The following COX10 variants were observed in gnomAD, a reference collection of about 807,000 sequenced individuals.
COX10 encodes the protein protoheme IX farnesyltransferase, mitochondrial.
Under a neutral mutation model 37.3 loss-of-function variants are expected in COX10, and 27 were observed. That is an observed-to-expected ratio of 0.72 (90% CI 0.53 to 1.00). COX10 has a LOEUF of 1.00. Ranked by LOEUF, COX10 falls within the 50% of genes least tolerant of loss-of-function variation. The pLI, the probability that COX10 is intolerant of heterozygous loss-of-function variation, is 0.00. For synonymous variants in COX10, 222 were observed against 229.1 expected (o/e 0.97, Z 0.28); for missense variants, 475 against 563.2 (o/e 0.84, Z 1.59).
At chr17:14,118,077 G>A (rs1217548148) in intron 4 of COX10, among the ~76,000 whole-genome samples, 1 of 152,112 alleles carries the variant, frequency 6.6e-6, no homozygotes, top group Non-Finnish European at 1.5e-5. Context: ...GTCTGCTGGT[G>A]TCTGTCGGTT....
In COX10 at chr17:14,076,881, T is replaced by G. The variant is rs1019508425; in HGVS notation, c.324T>G (p.Ser108=). The G allele has an allele frequency of 3.7e-6, 6 of 1,614,032 alleles. No homozygotes were observed. In the African/African-American group the frequency reaches 8.0e-5, roughly 22 times the overall value. ...GACCTCTCTCACCGCCCAGCCTATC[T>G]TTGTCCAGAAAGCCAAATGAAAAGG... is the stretch of plus-strand genomic sequence containing the variant. ...EMRPLSPPSL[S]LSRKPNEKEL... The change falls in exon 3 of 7, where the codon TCT becomes TCG. Residue 108 remains serine, a synonymous_variant. Coordinates refer to ENST00000261643, the MANE Select transcript of COX10 (RefSeq NM_001303.4).
At chr17:14,180,011 G>C (rs535767544) in intron 5 of COX10, among the ~76,000 whole-genome samples, 1 of 152,278 alleles carries the variant, frequency 6.6e-6, no homozygotes, top group African/African-American at 2.4e-5. Context: ...TAAAGAACAG[G>C]GTTTAGCTTA....
At chr17:14,144,965 C>T (rs74727273) in intron 4 of COX10, among the ~76,000 whole-genome samples, 1,545 of 152,058 alleles carry the variant, frequency 0.01, 23 homozygotes, top group African/African-American at 0.035. Flanking sequence ...ACAGGCTAAA[C>T]GTGCTATACA....
intron 4 of COX10, among the ~76,000 whole-genome samples, chr17:14,136,265 A>C (rs1273162117): frequency 6.6e-6 from 1 of 152,056 alleles, no homozygotes; most frequent in Non-Finnish European, 1.5e-5. Context: ...TGCAAACAAG[A>C]AAATTACTTC....
Position 14,097,481 on chromosome 17 carries a change from C to T in COX10, c.500-4637C>T, listed in dbSNP as rs956461731. 4.6e-5 allele frequency among the ~76,000 whole-genome samples: 7 copies of T among 151,884 alleles called. No individual in the cohort carries two copies. In the South Asian group the frequency reaches 6.2e-4, roughly 13 times the overall value. On this transcript the variant is annotated intron_variant, in intron 3 of 6. Coordinates refer to ENST00000261643, the MANE Select transcript of COX10 (RefSeq NM_001303.4). The stretch of plus-strand genomic sequence containing the variant: ...ATTATTATGTCTTACTATAAAACAC[C>T]GTTCTTGTCCCTTTGTTAGCTTTTT...
intron 4 of COX10, among the ~76,000 whole-genome samples, chr17:14,147,627 C>T (rs915279650): frequency 6.6e-6 from 1 of 151,974 alleles, no homozygotes; most frequent in African/African-American, 2.4e-5. Context: ...ATTTTAATAA[C>T]TAATAGAGTA....
chr17:14,176,681 A>G (rs1408452670), intron 5 of COX10, among the ~76,000 whole-genome samples: 1 of 152,108 alleles, frequency 6.6e-6, no homozygotes. Flanking sequence ...TGAATATAAT[A>G]TAGTTTCACC....
intron 3 of COX10, among the ~76,000 whole-genome samples, chr17:14,093,946 G>C (rs1270090065): frequency 6.6e-6 from 1 of 152,170 alleles, no homozygotes; most frequent in African/African-American, 2.4e-5. Flanking sequence ...CCAGTGCTTT[G>C]GGAAGCAGAG....
At chr17:14,150,547 CA>C (rs1330486444) in intron 4 of COX10, among the ~76,000 whole-genome samples, 4 of 152,094 alleles carry the variant, frequency 2.6e-5, no homozygotes, top group Non-Finnish European at 4.4e-5. Flanking sequence ...GTAACCTGAC[CA>C]TTGGAATTAA....
chr17:14,197,327 AT>A (rs1399470609), intron 6 of COX10, among the ~76,000 whole-genome samples: 1 of 152,166 alleles, frequency 6.6e-6, no homozygotes, highest in African/African-American at 2.4e-5. Flanking sequence ...CAGATTAAGA[AT>A]TCCAGGGGGC....
At chr17:14,103,854 T>C (rs1231730752) in intron 4 of COX10, among the ~76,000 whole-genome samples, 1 of 152,206 alleles carries the variant, frequency 6.6e-6, no homozygotes, top group Non-Finnish European at 1.5e-5. Flanking sequence ...AGAAGTATTT[T>C]TGCTATAGGG....
intron 3 of COX10, among the ~76,000 whole-genome samples, chr17:14,096,652 G>A (rs1029002761): frequency 1.3e-5 from 2 of 152,144 alleles, no homozygotes; most frequent in African/African-American, 4.8e-5. Flanking sequence ...TTACTGGCAT[G>A]TGCCATGGCA....
At chr17:14,129,518 C>T (rs1440286540) in intron 4 of COX10, among the ~76,000 whole-genome samples, 3 of 152,060 alleles carry the variant, frequency 2.0e-5, no homozygotes, top group Non-Finnish European at 4.4e-5. Flanking sequence ...TAATCTTTAC[C>T]AGGATCTGAT....
intron 4 of COX10, among the ~76,000 whole-genome samples, chr17:14,147,434 G>A (rs567285847): frequency 1.3e-5 from 2 of 152,170 alleles, no homozygotes; most frequent in South Asian, 4.1e-4. Context: ...CTTATGTATA[G>A]GATCTAAAAA....
intron 3 of COX10, among the ~76,000 whole-genome samples, chr17:14,082,571 C>A (rs8079931): frequency 6.6e-6 from 1 of 152,000 alleles, no homozygotes; most frequent in Non-Finnish European, 1.5e-5. Flanking sequence ...TTCATACTGG[C>A]TATTGTTGTA....
intron 4 of COX10, among the ~76,000 whole-genome samples, chr17:14,113,523 T>C (rs1404104043): frequency 6.6e-6 from 1 of 152,186 alleles, no homozygotes; most frequent in African/African-American, 2.4e-5. Flanking sequence ...TTCTCTCTTA[T>C]TTTCATGTTG....
intron 3 of COX10, among the ~76,000 whole-genome samples, chr17:14,086,821 G>C (rs115889427): frequency 0.027 from 4,068 of 151,886 alleles, 103 homozygotes; most frequent in African/African-American, 0.073. Flanking sequence ...TCTTTTTTTA[G>C]AGATTGATAG....
intron 5 of COX10, among the ~76,000 whole-genome samples, chr17:14,167,366 T>C (rs1167165620): frequency 1.3e-5 from 2 of 152,210 alleles, no homozygotes; most frequent in Non-Finnish European, 2.9e-5. Flanking sequence ...ATTTAAAATT[T>C]TATATTAACT....
intron 6 of COX10, among the ~76,000 whole-genome samples, chr17:14,203,416 G>A (rs968830494): frequency 2.0e-5 from 3 of 152,090 alleles, no homozygotes; most frequent in Admixed American, 6.5e-5. Flanking sequence ...GGATATAAAA[G>A]GAGGCCCTCA....
Sources: allele counts gnomAD v4.1 joint callset (sites outside exome capture counted in the v4.1 genomes callset), GRCh38; gene constraint gnomAD v4.1.1; transcripts MANE v1.5; gene names NCBI Gene and HGNC (gene_info 2026-07-23, HGNC 2026-07-21).